The following MFSD1 variants were observed in gnomAD, a reference collection of about 807,000 sequenced individuals.
The protein encoded by MFSD1 is major facilitator superfamily domain containing 1, also known as lysosomal dipeptide transporter MFSD1.
MFSD1 carries 59 observed loss-of-function variants against 67.1 expected under a neutral mutation model. The observed-to-expected ratio is 0.88, with a 90% CI of 0.71 to 1.09. MFSD1 has a LOEUF of 1.09. MFSD1 is among the 50% of genes least tolerant of loss of function. The pLI is 0.00. For synonymous variants in MFSD1, 213 were observed against 200.3 expected, an observed-to-expected ratio of 1.06 and a Z score of -0.54; for missense variants, 552 against 566.1, an observed-to-expected ratio of 0.97 and a Z score of 0.25.
chr3:158,802,776 C>T (rs1446249651), intron 1 of MFSD1, among the ~76,000 whole-genome samples: 1 of 152,184 alleles, frequency 6.6e-6, no homozygotes, highest in African/African-American at 2.4e-5. Flanking sequence ...AAGTGGCTTA[C>T]TGCAGCCTCC....
At chr3:158,807,486 T>C in intron 5 of MFSD1, 23 bp downstream of exon 5, 1 of 1,529,414 alleles carries the variant, frequency 6.5e-7, no homozygotes, top group Non-Finnish European at 9.1e-7. Flanking sequence ...TAATTTAATT[T>C]ATCCTAATGT....
At chr3:158,819,578 T>G (rs1730558927) in intron 7 of MFSD1, 71 bp from the exon 8 acceptor site, 9 of 842,194 alleles carry the variant, frequency 1.1e-5, no homozygotes, top group Non-Finnish European at 1.6e-5. Flanking sequence ...TGTAATGTAC[T>G]TCTCCTTAGG....
At chr3:158,826,895 T>G (rs1730996943) in intron 14 of MFSD1, among the ~76,000 whole-genome samples, 1 of 152,114 alleles carries the variant, frequency 6.6e-6, no homozygotes, top group Admixed American at 6.6e-5. Context: ...TTCAAACTCC[T>G]GAGCTCAAGC....
intron 5 of MFSD1, among the ~76,000 whole-genome samples, chr3:158,808,547 A>G (rs1210647582): frequency 1.3e-5 from 2 of 152,226 alleles, no homozygotes; most frequent in East Asian, 3.8e-4. Flanking sequence ...CTTTTCCCAC[A>G]TCTGCATTTT....
In MFSD1 at chr3:158,822,135, G is replaced by C; in HGVS notation, c.1072G>C (p.Ala358Pro). 6.2e-7 allele frequency: 1 copy of C among 1,611,272 alleles called. No homozygotes were observed. ...LAFTMWNPWI[A>P]MCLLGLSYSL... Reference sequence around the variant, plus strand: ...CTTTACGATGTGGAACCCTTGGATTGCTATGGTAACGTCTGTGTTAGCCCA... The same window carrying C: ...CTTTACGATGTGGAACCCTTGGATTCCTATGGTAACGTCTGTGTTAGCCCA... Residue 358 changes from alanine (A) to proline (P), a missense_variant, in exon 11 of 16, where the codon GCT becomes CCT. Physicochemically the swap from Ala to Pro is conservative, Grantham distance 27. Coordinates refer to ENST00000415822, the MANE Select transcript of MFSD1 (RefSeq NM_022736.4).
chr3:158,821,558 C>T (rs753810046), intron 9 of MFSD1, 39 bp from the exon 10 acceptor site: 2 of 1,349,912 alleles, frequency 1.5e-6, no homozygotes, highest in African/African-American at 1.5e-5. Context: ...CAGAGTAGTT[C>T]TCTCTAATGT....
chr3:158,816,763 C>A (rs1404539758), intron 7 of MFSD1, among the ~76,000 whole-genome samples: 2 of 151,056 alleles, frequency 1.3e-5, no homozygotes, highest in Admixed American at 6.6e-5. Context: ...AGGTTTTCTT[C>A]GAGGGTTTTT....
At chr3:158,825,351 T>G (rs78943037) in intron 13 of MFSD1, 3,652 of 152,280 alleles carry the variant, frequency 0.024, 146 homozygotes, top group African/African-American at 0.08. Context: ...GTGAAGATGC[T>G]GTCTCACTGT....
intron 9 of MFSD1, among the ~76,000 whole-genome samples, chr3:158,821,333 A>C (rs559772755): frequency 1.3e-5 from 2 of 152,226 alleles, no homozygotes; most frequent in Non-Finnish European, 2.9e-5. Flanking sequence ...CTGTGGTAGT[A>C]TATTTGATTT....
Position 158,807,159 on chromosome 3 carries a change from C to G in MFSD1, c.372+77C>G, listed in dbSNP as rs560044468. Reference sequence around the variant, plus strand: ...TATCTAATTAATTCCATTGGCAAAGCTGTGTTTAATTAATGCCTAGCTTAA... The same window carrying G: ...TATCTAATTAATTCCATTGGCAAAGGTGTGTTTAATTAATGCCTAGCTTAA... On this transcript the variant is annotated intron_variant, in intron 4 of 15. Transcript: ENST00000415822. 1.0e-4 allele frequency: 139 copies of G among 1,372,948 alleles called. 1 individual carries two copies. In the Middle Eastern group the frequency reaches 2.0e-3, roughly 20 times the overall value. 85.0% of individuals were successfully genotyped at this position (1,372,948 alleles called of 1,614,324 possible).
intron 15 of MFSD1, among the ~76,000 whole-genome samples, chr3:158,827,798 T>G (rs972725907): frequency 2.6e-5 from 4 of 152,068 alleles, no homozygotes; most frequent in African/African-American, 9.7e-5. Context: ...ATAACAACAT[T>G]CTTGTTTGCT....
intron 5 of MFSD1, 73 bp downstream of exon 5, chr3:158,807,536 A>C (rs1308507293): frequency 8.1e-7 from 1 of 1,233,760 alleles, no homozygotes; most frequent in Non-Finnish European, 1.2e-6. Flanking sequence ...ATCTTTAAAA[A>C]ACCTTGTCTC....
chr3:158,806,877 C>T (rs1729752645), intron 3 of MFSD1, among the ~76,000 whole-genome samples, 163 bp from the exon 4 acceptor site: 1 of 151,998 alleles, frequency 6.6e-6, no homozygotes, highest in Admixed American at 6.6e-5. Context: ...GGGAGATGAG[C>T]CCTTTATTTT....
chr3:158,804,206 T>C (rs1479798702), intron 1 of MFSD1, 113 bp from the exon 2 acceptor site: 10 of 649,452 alleles, frequency 1.5e-5, no homozygotes, highest in South Asian at 1.2e-4. Flanking sequence ...GAAATATTTC[T>C]GTAGTGTCAA....
rs1729503950 is a variant in MFSD1 at position 158,802,415 on chromosome 3, C to A, written c.163+100C>A. On this transcript the variant is annotated intron_variant, in intron 1 of 15. Coordinates refer to ENST00000415822, the MANE Select transcript of MFSD1 (RefSeq NM_022736.4). ...GGTCACTGGTGCCACGGGGCCTCAG[C>A]GCAGCTTCTGTCTTAAGCTCCTGGG... 6.6e-6 allele frequency: 9 copies of A among 1,364,918 alleles called. No individual in the cohort carries two copies. The East Asian group carries it at 1.6e-4, about 25-fold the overall frequency. The allele number at this position is 1,364,918 out of a possible 1,614,324, so 84.6% of individuals were successfully genotyped here.
chr3:158,805,461 G>C lies in MFSD1; in HGVS notation c.316G>C (p.Val106Leu). Reference protein sequence around the residue: ...CFFGGFLIDRVFGIRWGTIIF... With the variant: ...CFFGGFLIDRLFGIRWGTIIF... The stretch of plus-strand genomic sequence containing the variant: ...CTTTGGTGGCTTTTTGATAGACCGA[G>C]TATTTGGAATACGGTAAGCTTGAAA... Residue 106 changes from valine (V) to leucine (L), a missense_variant, in exon 3 of 16, where the codon GTA becomes CTA. Coordinates refer to ENST00000415822, the MANE Select transcript of MFSD1 (RefSeq NM_022736.4). The C allele has an allele frequency of 6.2e-7, 1 of 1,611,678 alleles. No homozygotes were observed. Among genetic ancestry groups the C allele is most frequent in the Non-Finnish European group, 8.5e-7 (1 of 1,177,814 alleles).
Position 158,820,222 on chromosome 3 carries a change from T to C in MFSD1, c.759T>C (p.Val253=), listed in dbSNP as rs764885931. ...TTCCCTTTCTTCTCTAAGGTGAAGT[T>C]ATTAAATTAACTGATGTAAAGGACT... ...LHKEQGKTGE[V]IKLTDVKDFS... The change falls in exon 9 of 16, where the codon GTT becomes GTC. Residue 253 remains valine (V), a synonymous_variant. Transcript: ENST00000415822. 1.3e-6 allele frequency: 2 copies of C among 1,581,920 alleles called. No homozygotes were observed. The highest frequency in any genetic ancestry group is 4.5e-5 in the East Asian group (2 of 44,606).
At chr3:158,816,420 T>C (rs909181564) in intron 7 of MFSD1, among the ~76,000 whole-genome samples, 1 of 152,194 alleles carries the variant, frequency 6.6e-6, no homozygotes, top group Non-Finnish European at 1.5e-5. Flanking sequence ...ATGAGCATTT[T>C]TTCATGTGTC....
rs539136583 is a variant in MFSD1, at chr3:158,807,519, A to G, written c.440+56A>G. 6 of 1,398,984 alleles carry G rather than the reference A, an allele frequency of 4.3e-6. No homozygotes were observed. In the East Asian group the frequency reaches 9.2e-5, roughly 21 times the overall value. 86.7% of individuals were successfully genotyped at this position (1,398,984 alleles called of 1,614,324 possible). On this transcript the variant is annotated intron_variant, in intron 5 of 15. Transcript: ENST00000415822. ...TGTATTATTGTTTTAGTGTTCATCT[A>G]TGAAAGATCTTTAAAAAACCTTGTC... is the stretch of plus-strand genomic sequence containing the variant.
Sources: allele counts gnomAD v4.1 joint callset (sites outside exome capture counted in the v4.1 genomes callset), GRCh38; gene constraint gnomAD v4.1.1; transcripts MANE v1.5; gene names NCBI Gene and HGNC (gene_info 2026-07-23, HGNC 2026-07-21).